LRIG1: variants seen among roughly 807,000 people sequenced by gnomAD.
LRIG1 encodes leucine rich repeats and immunoglobulin like domains 1.
Under a neutral mutation model 99.2 loss-of-function variants are expected in LRIG1, and 48 were observed. The ratio of observed to expected loss-of-function variants is 0.48; its 90% CI spans 0.38 to 0.62. The LOEUF (loss-of-function observed/expected upper bound fraction) is 0.62. Ranked by LOEUF, LRIG1 falls within the 20% of genes least tolerant of loss-of-function variation. The pLI, the probability that LRIG1 is intolerant of heterozygous loss-of-function variation, is 0.00. For synonymous variants in LRIG1, 772 were observed against 596.1 expected, an observed-to-expected ratio of 1.29 and a Z score of -4.30; for missense variants, 1,646 against 1,434.4, an observed-to-expected ratio of 1.15 and a Z score of -2.38.
intron 5 of LRIG1, among the ~76,000 whole-genome samples, chr3:66,413,293 C>G (rs543888247): frequency 6.6e-6 from 1 of 152,182 alleles, no homozygotes; most frequent in South Asian, 2.1e-4. Flanking sequence ...CAGAAGAGAA[C>G]GCGTGTGTGC....
At position 66,383,305 on chromosome 3, in the gene LRIG1, C is replaced by G; in HGVS notation, c.2168G>C (p.Arg723Pro). The change falls in exon 15 of 19, where the codon CGC becomes CCC. Residue 723 changes from arginine to proline, a missense_variant. Coordinates refer to ENST00000273261, the MANE Select transcript of LRIG1 (RefSeq NM_015541.3). ...QCKATGNPPP[R>P]ITWFKGDRPL... ...GCGGTCCCCCTTGAACCAGGTGATG[C>G]GGGGCGGAGGGTTCCCCGTGGCTTT... 2 of 1,609,034 alleles carry G rather than the reference C, an allele frequency of 1.2e-6. No homozygotes were observed. Among genetic ancestry groups the G allele is most frequent in the Non-Finnish European group, 1.7e-6 (2 of 1,175,868 alleles).
chr3:66,414,702 C>T (rs1049877867), intron 5 of LRIG1, among the ~76,000 whole-genome samples: 11 of 152,292 alleles, frequency 7.2e-5, no homozygotes, highest in South Asian at 2.1e-4. Context: ...GGAAGAAAAG[C>T]GACCTCAGTG....
intron 1 of LRIG1, among the ~76,000 whole-genome samples, chr3:66,476,615 C>T (rs538374126): frequency 7.7e-4 from 117 of 152,148 alleles, no homozygotes; most frequent in Admixed American, 1.2e-3. Context: ...CCTCTTCCTG[C>T]GAGACACACT....
At chr3:66,397,412 G>A (rs1350530408) in intron 11 of LRIG1, among the ~76,000 whole-genome samples, 2 of 134,694 alleles carry the variant, frequency 1.5e-5, no homozygotes, top group Non-Finnish European at 3.1e-5. Flanking sequence ...ATCATGGCTA[G>A]AACTTACTGG....
At chr3:66,493,879 G>T (rs1701163290) in intron 1 of LRIG1, among the ~76,000 whole-genome samples, 1 of 141,910 alleles carries the variant, frequency 7.0e-6, no homozygotes, top group Admixed American at 7.0e-5. Context: ...AAGACGAAGG[G>T]AGGGAGGGAG....
intron 12 of LRIG1, among the ~76,000 whole-genome samples, chr3:66,389,456 T>C (rs1262736726): frequency 2.0e-5 from 3 of 152,148 alleles, no homozygotes; most frequent in South Asian, 2.1e-4. Flanking sequence ...GATCCAGCTA[T>C]AGCCTACAAG....
chr3:66,380,765 C>A lies in LRIG1; in HGVS notation c.2867G>T (p.Ser956Ile), dbSNP rs749143043. 75 of 1,614,134 alleles carry A rather than the reference C, an allele frequency of 4.6e-5. 1 individual carries two copies. The East Asian group carries it at 1.6e-3, about 35-fold the overall frequency. The change falls in exon 18 of 19, where the codon AGC becomes ATC. Residue 956 changes from serine to isoleucine, a missense_variant. Physicochemically the swap from Ser to Ile is moderately radical, Grantham distance 142. Coordinates refer to ENST00000273261, the MANE Select transcript of LRIG1 (RefSeq NM_015541.3). ...AFHPQPVSRD[S>I]AQPSAPNGPE... ...GCCATTTGGCGCACTTGGCTGTGCG[C>A]TGTCTCTGGACACAGGCTGGGGGTG... is the stretch of plus-strand genomic sequence containing the variant.
intron 13 of LRIG1, among the ~76,000 whole-genome samples, chr3:66,385,527 A>C (rs1164330361): frequency 6.6e-6 from 1 of 152,090 alleles, no homozygotes; most frequent in Non-Finnish European, 1.5e-5. Flanking sequence ...ATCTCGGCTC[A>C]CTGCAACGTC....
chr3:66,401,845 T>TC (rs1702068538), intron 9 of LRIG1, among the ~76,000 whole-genome samples: 1 of 152,116 alleles, frequency 6.6e-6, no homozygotes, highest in Non-Finnish European at 1.5e-5. Flanking sequence ...CCCATCCATC[T>TC]CCTGGCCAAC....
chr3:66,460,569 C>T (rs1173915354), intron 2 of LRIG1, among the ~76,000 whole-genome samples: 1 of 152,192 alleles, frequency 6.6e-6, no homozygotes, highest in Non-Finnish European at 1.5e-5. Flanking sequence ...ACCATGAATG[C>T]ACACAGAGGA....
intron 12 of LRIG1, chr3:66,388,062 A>ACG (rs1481664184): frequency 7.4e-6 from 1 of 135,146 alleles, no homozygotes; most frequent in Non-Finnish European, 1.5e-5. Context: ...AGCCAAGATC[A>ACG]CGCCACTGCC....
intron 3 of LRIG1, among the ~76,000 whole-genome samples, chr3:66,445,870 T>C (rs1261761251): frequency 6.6e-6 from 1 of 152,110 alleles, no homozygotes; most frequent in African/African-American, 2.4e-5. Context: ...CAGTATAATC[T>C]CACCTGTGCT....
At chr3:66,383,678 C>T (rs1274972309) in intron 14 of LRIG1, among the ~76,000 whole-genome samples, 1 of 147,982 alleles carries the variant, frequency 6.8e-6, no homozygotes, top group Non-Finnish European at 1.5e-5. Context: ...CTTGACCAAG[C>T]CCACATCCAT....
intron 1 of LRIG1, among the ~76,000 whole-genome samples, chr3:66,478,530 G>T (rs938779953): frequency 3.3e-5 from 5 of 152,146 alleles, no homozygotes; most frequent in Non-Finnish European, 5.9e-5. Context: ...GTGCCTTCAG[G>T]GAGTCTGCCC....
intron 11 of LRIG1, among the ~76,000 whole-genome samples, chr3:66,394,841 C>A (rs1339319899): frequency 6.6e-6 from 1 of 152,160 alleles, no homozygotes; most frequent in East Asian, 1.9e-4. Context: ...ATCTTTGCAC[C>A]AGTATTCTTC....
chr3:66,389,829 G>A (rs772558624), intron 12 of LRIG1, among the ~76,000 whole-genome samples: 1 of 152,078 alleles, frequency 6.6e-6, no homozygotes, highest in South Asian at 2.1e-4. Flanking sequence ...ATGGAAAACC[G>A]AATTATAAAC....
chr3:66,450,522 A>G (rs1259513079), intron 3 of LRIG1, among the ~76,000 whole-genome samples: 1 of 152,200 alleles, frequency 6.6e-6, no homozygotes, highest in East Asian at 1.9e-4. Context: ...CAATGCCATG[A>G]AAAGGGTTAA....
chr3:66,446,986 T>C (rs1703752132), intron 3 of LRIG1, among the ~76,000 whole-genome samples: 1 of 152,146 alleles, frequency 6.6e-6, no homozygotes, highest in Admixed American at 6.5e-5. Flanking sequence ...TGTTTTAGCA[T>C]TCTGTAGTGG....
At chr3:66,457,903 C>T (rs916624774) in intron 2 of LRIG1, among the ~76,000 whole-genome samples, 1 of 152,200 alleles carries the variant, frequency 6.6e-6, no homozygotes, top group African/African-American at 2.4e-5. Flanking sequence ...ACTCACTAAT[C>T]ACGCAATTTC....
Sources: allele counts gnomAD v4.1 joint callset (sites outside exome capture counted in the v4.1 genomes callset), GRCh38; gene constraint gnomAD v4.1.1; transcripts MANE v1.5; gene names NCBI Gene and HGNC (gene_info 2026-07-23, HGNC 2026-07-21).